Variants in IQSEC1 observed in about 807,000 individuals in gnomAD.
IQSEC1 encodes IQ motif and SEC7 domain-containing protein 1.
In IQSEC1, 31 loss-of-function variants were observed where a neutral mutation model predicts 91.0. That is an observed-to-expected ratio of 0.34 (90% CI 0.26 to 0.46). The LOEUF (loss-of-function observed/expected upper bound fraction) is 0.46, where lower values mean the gene tolerates loss of function less well. Ranked by LOEUF, IQSEC1 falls within the 20% of genes least tolerant of loss-of-function variation. The pLI is 1.00. For synonymous variants in IQSEC1, 699 were observed against 662.6 expected, an observed-to-expected ratio of 1.05 and a Z score of -0.84; for missense variants, 1,388 against 1,575.6, an observed-to-expected ratio of 0.88 and a Z score of 2.02.
intron 1 of IQSEC1, among the ~76,000 whole-genome samples, chr3:12,971,126 AC>A (rs1436745219): frequency 6.6e-6 from 1 of 152,230 alleles, no homozygotes; most frequent in Non-Finnish European, 1.5e-5. Context: ...TGCAAAACAT[AC>A]AATATTAATG....
At chr3:13,099,041 G>T (rs566559369) in intron 2 of IQSEC1, among the ~76,000 whole-genome samples, 1 of 152,248 alleles carries the variant, frequency 6.6e-6, no homozygotes, top group Non-Finnish European at 1.5e-5. Context: ...GACTTTCGGG[G>T]GATGGGGGGA....
chr3:13,067,821 T>A (rs1705286828), intron 1 of IQSEC1, among the ~76,000 whole-genome samples: 1 of 152,230 alleles, frequency 6.6e-6, no homozygotes, highest in South Asian at 2.1e-4. Context: ...TTCAACAAGA[T>A]AAGGCACTTT....
chr3:13,112,061 T>C (rs887680565), intron 2 of IQSEC1, among the ~76,000 whole-genome samples: 1 of 152,190 alleles, frequency 6.6e-6, no homozygotes, highest in Non-Finnish European at 1.5e-5. Flanking sequence ...GCACACGCTG[T>C]TCCCCTGGTG....
In IQSEC1 at chr3:13,167,112, G is replaced by A. The variant is rs542044898; in HGVS notation, c.273-2979C>T. On this transcript the variant is annotated intron_variant, in intron 1 of 15. Coordinates refer to the IQSEC1 transcript ENST00000648114. ...GTGTGTGTGTGCCTATGATTATGGC[G>A]GCACTCAGCATGGGCAAAGAAGCAG... Among the ~76,000 whole-genome samples the A allele has an allele frequency of 6.6e-5, 10 of 152,250 alleles. No homozygotes were observed. In the South Asian group the frequency reaches 1.9e-3, roughly 28 times the overall value.
chr3:13,144,389 C>A (rs768848373), intron 2 of IQSEC1, among the ~76,000 whole-genome samples: 5 of 152,194 alleles, frequency 3.3e-5, no homozygotes, highest in Admixed American at 2.0e-4. Flanking sequence ...CCACCCACAT[C>A]AGAGGGAGGC....
chr3:13,166,992 CG>C (rs1693509258), intron 1 of IQSEC1, among the ~76,000 whole-genome samples: 1 of 152,160 alleles, frequency 6.6e-6, no homozygotes, highest in Non-Finnish European at 1.5e-5. Context: ...TGGGCAGCCC[CG>C]GGGTGGAGGA....
chr3:13,222,052 C>T (rs894291990), intron 1 of IQSEC1, among the ~76,000 whole-genome samples: 5 of 152,306 alleles, frequency 3.3e-5, no homozygotes, highest in Admixed American at 3.3e-4. Flanking sequence ...CATTTACCAC[C>T]TCATCCATTT....
chr3:13,078,450 T>C (rs533753131), intron 2 of IQSEC1, among the ~76,000 whole-genome samples: 2 of 152,212 alleles, frequency 1.3e-5, no homozygotes, highest in East Asian at 3.9e-4. Flanking sequence ...ACGGCTGCCA[T>C]ACCCCTCCTT....
At chr3:13,268,790 A>C (rs1307759213) in intron 1 of IQSEC1, among the ~76,000 whole-genome samples, 1 of 152,134 alleles carries the variant, frequency 6.6e-6, no homozygotes, top group Non-Finnish European at 1.5e-5. Flanking sequence ...ATGTCATTTT[A>C]AATTTGGGCA....
intron 2 of IQSEC1, among the ~76,000 whole-genome samples, chr3:13,096,828 T>A (rs1462721974): frequency 6.6e-6 from 1 of 151,386 alleles, no homozygotes; most frequent in Non-Finnish European, 1.5e-5. Context: ...GCACCTGCTG[T>A]GCACCTAAGG....
chr3:13,257,533 C>T (rs537324202), intron 1 of IQSEC1, among the ~76,000 whole-genome samples: 141 of 152,334 alleles, frequency 9.3e-4, no homozygotes, highest in African/African-American at 3.0e-3. Flanking sequence ...TTCCCGCCCC[C>T]GCCTGGTGCA....
chr3:12,924,848 C>A lies in IQSEC1; in HGVS notation c.1569-106G>T. 1 of 1,078,996 alleles carries A rather than the reference C, an allele frequency of 9.3e-7. No individual in the cohort carries two copies. The allele number at this position is 1,078,996 out of a possible 1,614,324, so 66.8% of individuals were successfully genotyped here. A position where few individuals can be genotyped will look rare whatever the true frequency, so the allele number is the denominator to read the frequency against. ...ACGGTCGACATTCTCCCTCCCTGCC[C>A]ACCTGCACCGGCCTTCATCCCTGTA... On this transcript the variant is annotated intron_variant, in intron 3 of 13. Transcript: ENST00000613206. This position sits in a 1 kb window ranked among gnomAD's most constrained non-coding sequence, Gnocchi z 6.3.
intron 1 of IQSEC1, among the ~76,000 whole-genome samples, chr3:12,961,482 C>T (rs117332377): frequency 1.3e-5 from 2 of 152,352 alleles, no homozygotes; most frequent in East Asian, 3.9e-4. Flanking sequence ...GCTACAAGCA[C>T]AAGCTAAAGT....
Position 12,967,526 on chromosome 3 carries a change from G to C in IQSEC1, c.24-25661C>G. The C allele has an allele frequency of 1.4e-6, 2 of 1,397,564 alleles. No individual in the cohort carries two copies. The highest frequency in any genetic ancestry group is 1.8e-6 in the Non-Finnish European group (2 of 1,083,848). The allele number at this position is 1,397,564 out of a possible 1,614,324, so 86.6% of individuals were successfully genotyped here. On this transcript the variant is annotated intron_variant, in intron 1 of 13. Transcript: ENST00000613206. This position sits in a 1 kb window ranked among gnomAD's most constrained non-coding sequence, Gnocchi z 5.9. ...GCAGAGGCCGCCGACTCCCGCCAGC[G>C]AGCCGCCGGATCCCGGGGCCGACAC...
chr3:12,948,704 A>G (rs886447805), intron 1 of IQSEC1, among the ~76,000 whole-genome samples: 1 of 152,192 alleles, frequency 6.6e-6, no homozygotes, highest in Non-Finnish European at 1.5e-5. Context: ...TTCACCCCCA[A>G]TATCGACAAC....
chr3:13,218,811 G>C (rs960677709), intron 1 of IQSEC1, among the ~76,000 whole-genome samples: 1 of 152,150 alleles, frequency 6.6e-6, no homozygotes, highest in African/African-American at 2.4e-5. Context: ...GCTTCAGCAT[G>C]ACTTCTCTGG....
At chr3:13,120,751 C>T (rs886434446) in intron 2 of IQSEC1, among the ~76,000 whole-genome samples, 1 of 152,186 alleles carries the variant, frequency 6.6e-6, no homozygotes, top group East Asian at 1.9e-4. Flanking sequence ...CACCTGCACA[C>T]CGGTACCCTC....
At chr3:13,281,276 G>C (rs1418922722) in intron 1 of IQSEC1, among the ~76,000 whole-genome samples, 1 of 152,212 alleles carries the variant, frequency 6.6e-6, no homozygotes, top group Non-Finnish European at 1.5e-5. Flanking sequence ...CAGCTGCTGT[G>C]GCAGGACTGA....
intron 2 of IQSEC1, among the ~76,000 whole-genome samples, chr3:13,095,181 C>G (rs1180351329): frequency 6.6e-6 from 1 of 152,122 alleles, no homozygotes; most frequent in African/African-American, 2.4e-5. Flanking sequence ...GTCTGGTCCA[C>G]AGTATACACT....
Sources: allele counts gnomAD v4.1 joint callset (sites outside exome capture counted in the v4.1 genomes callset), GRCh38; gene constraint gnomAD v4.1.1; non-coding constraint Gnocchi (gnomAD v3.1); transcripts MANE v1.5; gene names NCBI Gene and HGNC (gene_info 2026-07-23, HGNC 2026-07-21).